TCF7L1: variants seen among roughly 807,000 people sequenced by gnomAD.
TCF7L1 encodes transcription factor 7 like 1.
TCF7L1 carries 18 observed loss-of-function variants against 63.7 expected under a neutral mutation model. The ratio of observed to expected loss-of-function variants is 0.28; its 90% CI spans 0.20 to 0.42. TCF7L1 has a LOEUF of 0.42. TCF7L1 is among the 10% of genes least tolerant of loss of function. The pLI, the probability that TCF7L1 is intolerant of heterozygous loss-of-function variation, is 1.00. For missense variants in TCF7L1, 654 were observed against 779.3 expected, an observed-to-expected ratio of 0.84 and a Z score of 1.91; for synonymous variants, 355 against 340.9, an observed-to-expected ratio of 1.04 and a Z score of -0.46.
chr2:85,214,033 G>A (rs1679632495), intron 3 of TCF7L1, among the ~76,000 whole-genome samples: 1 of 152,166 alleles, frequency 6.6e-6, no homozygotes, highest in Non-Finnish European at 1.5e-5. Context: ...AGCCACCTCC[G>A]GGGCGGTGAG....
chr2:85,215,133 T>TTGAATTGC lies in TCF7L1; in HGVS notation c.442-68359_442-68352dup, dbSNP rs1679670208. 2.6e-5 allele frequency among the ~76,000 whole-genome samples: 4 copies of TTGAATTGC among 152,184 alleles called. No individual in the cohort carries two copies. The South Asian group carries it at 8.3e-4, about 32-fold the overall frequency. ...GCATCAAGGTCAAGCAGATCCAGCT[T>TTGAATTGC]TGAATTGCTGTTCTGCCACTTTAAC... On this transcript the variant is annotated intron_variant, in intron 3 of 11. Transcript: ENST00000282111.
Position 85,306,388 on chromosome 2 carries a change from A to T in TCF7L1, c.1149+23A>T. ...AAGGTAAGACCTGCCCTCTCCCTCC[A>T]GGCCAGGGAGGCAGCGTCCCTGCAT... On this transcript the variant is annotated intron_variant, in intron 9 of 11. Transcript: ENST00000282111. The surrounding 1 kb of genome is among the most constrained non-coding windows in gnomAD (Gnocchi z 4.3). The T allele has an allele frequency of 6.2e-7, 1 of 1,613,118 alleles. No homozygotes were observed. Among genetic ancestry groups the T allele is most frequent in the Non-Finnish European group, 8.5e-7 (1 of 1,179,108 alleles).
intron 3 of TCF7L1, among the ~76,000 whole-genome samples, chr2:85,226,816 C>A (rs1679965026): frequency 7.3e-6 from 1 of 137,450 alleles, no homozygotes; most frequent in South Asian, 2.3e-4. Flanking sequence ...CTCCCCCCGC[C>A]TTTTTTTTTT....
chr2:85,247,144 A>T (rs907525473), intron 3 of TCF7L1, among the ~76,000 whole-genome samples: 2 of 152,230 alleles, frequency 1.3e-5, no homozygotes, highest in Non-Finnish European at 2.9e-5. Flanking sequence ...AGTTCAACAG[A>T]ATCCATTTTC....
chr2:85,195,189 A>C (rs1234480995), intron 3 of TCF7L1, among the ~76,000 whole-genome samples: 1 of 152,236 alleles, frequency 6.6e-6, no homozygotes, highest in Admixed American at 6.5e-5. Context: ...TCTCATCTGT[A>C]AAGTCAGGAT....
At chr2:85,184,017 T>C (rs1444097128) in intron 3 of TCF7L1, among the ~76,000 whole-genome samples, 1 of 152,160 alleles carries the variant, frequency 6.6e-6, no homozygotes, top group Non-Finnish European at 1.5e-5. Context: ...AGAGAGGTGA[T>C]ACAAGGTGTC....
chr2:85,244,349 A>G (rs1004253520), intron 3 of TCF7L1, among the ~76,000 whole-genome samples: 6 of 152,228 alleles, frequency 3.9e-5, no homozygotes, highest in African/African-American at 1.2e-4. Context: ...CTGCCATGAT[A>G]TAATCATAGA....
At chr2:85,217,222 A>G (rs1679730980) in intron 3 of TCF7L1, 2 of 152,232 alleles carry the variant, frequency 1.3e-5, no homozygotes, top group Admixed American at 1.3e-4. Context: ...TGGCCACCTA[A>G]GCCTGTGAAC....
intron 4 of TCF7L1, 101 bp downstream of exon 4, chr2:85,283,679 G>A (rs1362672752): frequency 3.1e-6 from 4 of 1,297,970 alleles, no homozygotes; most frequent in Non-Finnish European, 4.4e-6. Context: ...GGGTCCAACA[G>A]TGTTTCCTCA....
At chr2:85,290,058 A>G (rs2104375797) in intron 4 of TCF7L1, among the ~76,000 whole-genome samples, 1 of 150,848 alleles carries the variant, frequency 6.6e-6, no homozygotes, top group East Asian at 2.0e-4. Context: ...GCTCACTGCA[A>G]CTTTCACACT....
rs1433661674 is a variant in TCF7L1, at chr2:85,216,375, A to G, written c.442-67120A>G. On this transcript the variant is annotated intron_variant, in intron 3 of 11. Coordinates refer to ENST00000282111, the MANE Select transcript of TCF7L1 (RefSeq NM_031283.3). Reference sequence around the variant, plus strand: ...TGCAATTTGCCCGTTTCCGCTGCCCATGAAGACCCGACAGCCCACTTGCCA... The same window carrying G: ...TGCAATTTGCCCGTTTCCGCTGCCCGTGAAGACCCGACAGCCCACTTGCCA... 2.0e-5 allele frequency among the ~76,000 whole-genome samples: 3 copies of G among 152,204 alleles called. No homozygotes were observed. In the South Asian group the frequency reaches 6.2e-4, roughly 32 times the overall value.
At chr2:85,147,851 C>T (rs532622812) in intron 3 of TCF7L1, among the ~76,000 whole-genome samples, 1 of 152,200 alleles carries the variant, frequency 6.6e-6, no homozygotes, top group Non-Finnish European at 1.5e-5. Flanking sequence ...TATACAGATG[C>T]GACTGGACTT....
chr2:85,302,297 G>T (rs969896046), intron 4 of TCF7L1, among the ~76,000 whole-genome samples, 187 bp from the exon 5 acceptor site: 13 of 152,122 alleles, frequency 8.5e-5, no homozygotes, highest in African/African-American at 2.7e-4. Flanking sequence ...ATGGAGGGTG[G>T]GTGTGATCCC....
chr2:85,243,537 A>G (rs763417928), intron 3 of TCF7L1, among the ~76,000 whole-genome samples: 9 of 152,120 alleles, frequency 5.9e-5, no homozygotes, highest in Non-Finnish European at 8.8e-5. Flanking sequence ...CAGGGGATCC[A>G]GTGTTTTCGG....
At chr2:85,181,176 G>T (rs1678798253) in intron 3 of TCF7L1, among the ~76,000 whole-genome samples, 1 of 152,226 alleles carries the variant, frequency 6.6e-6, no homozygotes, top group Admixed American at 6.5e-5. Flanking sequence ...GGAGAGCAGG[G>T]AGCACCTGAG....
intron 3 of TCF7L1, among the ~76,000 whole-genome samples, chr2:85,168,831 G>C (rs1453372437): frequency 6.6e-6 from 1 of 152,158 alleles, no homozygotes; most frequent in Non-Finnish European, 1.5e-5. Context: ...ATATTGGCCA[G>C]GCTGGTCTCA....
In TCF7L1 at chr2:85,309,283, T is replaced by A. The variant is rs768622603; in HGVS notation, c.1588T>A (p.Ser530Thr). The change falls in exon 12 of 12, where the codon TCC (serine) becomes ACC (threonine). Residue 530 changes from serine (S) to threonine (T), a missense_variant. By Grantham distance (58) the Ser-to-Thr change is moderately conservative. Transcript: ENST00000282111. The part of the protein sequence containing the change: ...AAFLSAKAAA[S>T]SSGQMGSQPP... Reference sequence around the variant, plus strand: ...CTTCCTGTCGGCTAAGGCTGCAGCCTCCTCCTCTGGGCAGATGGGCAGCCA... The same window carrying A: ...CTTCCTGTCGGCTAAGGCTGCAGCCACCTCCTCTGGGCAGATGGGCAGCCA... The A allele has an allele frequency of 1.2e-6, 2 of 1,613,574 alleles. No homozygotes were observed. The highest frequency in any genetic ancestry group is 2.2e-5 in the East Asian group (1 of 44,870).
At chr2:85,137,892 CAAAAAA>C (rs374829785) in intron 3 of TCF7L1, among the ~76,000 whole-genome samples, 1 of 67,760 alleles carries the variant, frequency 1.5e-5, no homozygotes, top group Non-Finnish European at 3.0e-5. Flanking sequence ...GACTCTGCCT[CAAAAAA>C]AAAAAAAAAA....
rs929377291 is a variant in TCF7L1 at position 85,172,496 on chromosome 2, G to A, written c.441+38046G>A. On this transcript the variant is annotated intron_variant, in intron 3 of 11. Coordinates refer to ENST00000282111, the MANE Select transcript of TCF7L1 (RefSeq NM_031283.3). The stretch of plus-strand genomic sequence containing the variant: ...GGCTGGAGTGCAGTGGCGCGATCTC[G>A]GCTCACAGCAACCTCTGCCTCCCAG... 4.6e-5 allele frequency among the ~76,000 whole-genome samples: 7 copies of A among 152,160 alleles called. No homozygotes were observed. In the South Asian group the frequency reaches 8.3e-4, roughly 18 times the overall value.
Sources: gnomAD v4.1 joint callset for allele counts (sites outside exome capture counted in the v4.1 genomes callset) on GRCh38, gnomAD v4.1.1 for gene constraint, Gnocchi (gnomAD v3.1) non-coding constraint, MANE v1.5 for transcripts, NCBI Gene and HGNC (gene_info 2026-07-23, HGNC 2026-07-21) for gene names.